The following EYS variants were observed in gnomAD, a reference collection of about 807,000 sequenced individuals.
EYS encodes EGF-like photoreceptor maintenance factor.
EYS carries 250 observed loss-of-function variants against 282.1 expected under a neutral mutation model. The observed-to-expected ratio is 0.89, with a 90% confidence interval of 0.80 to 0.98. The LOEUF (loss-of-function observed/expected upper bound fraction) is 0.98. Ranked by LOEUF, EYS falls within the 50% of genes least tolerant of loss-of-function variation. The pLI is 0.00. For synonymous variants in EYS, 1,355 were observed against 1,282.9 expected (o/e 1.06, Z -1.20); for missense variants, 4,016 against 3,709.0 (o/e 1.08, Z -2.15).
intron 8 of EYS, among the ~76,000 whole-genome samples, chr6:65,363,551 A>G (rs1374965737): frequency 6.6e-6 from 1 of 151,906 alleles, no homozygotes; most frequent in East Asian, 1.9e-4. Flanking sequence ...GTAGACAGAC[A>G]TACTTGATAA....
chr6:65,329,483 A>G (rs1769717537), intron 11 of EYS: 1 of 975,834 alleles, frequency 1.0e-6, no homozygotes, highest in Admixed American at 6.2e-5. Context: ...TTAGACAAAA[A>G]GATTTAGACA....
chr6:64,322,408 C>T (rs538490147), intron 29 of EYS, among the ~76,000 whole-genome samples: 17 of 151,990 alleles, frequency 1.1e-4, no homozygotes, highest in African/African-American at 3.1e-4. Flanking sequence ...AGCACAGTAA[C>T]TTGTTGGAGA....
intron 22 of EYS, among the ~76,000 whole-genome samples, chr6:64,695,079 C>T (rs1770528422): frequency 6.6e-6 from 1 of 152,066 alleles, no homozygotes; most frequent in Non-Finnish European, 1.5e-5. Flanking sequence ...TGAGAACTGC[C>T]TTCCAACCAC....
intron 31 of EYS, among the ~76,000 whole-genome samples, chr6:64,148,531 G>T (rs956665800): frequency 3.3e-5 from 5 of 152,118 alleles, no homozygotes; most frequent in Non-Finnish European, 5.9e-5. Context: ...CACATCAATA[G>T]TTAAGTTGCT....
intron 28 of EYS, among the ~76,000 whole-genome samples, chr6:64,393,915 A>G (rs917508305): frequency 8.6e-5 from 13 of 151,962 alleles, no homozygotes; most frequent in African/African-American, 2.9e-4. Context: ...CCTTAAGCTG[A>G]TAAGCAACTT....
intron 5 of EYS, among the ~76,000 whole-genome samples, chr6:65,483,620 G>C (rs1417880475): frequency 2.6e-5 from 4 of 151,838 alleles, no homozygotes; most frequent in Non-Finnish European, 5.9e-5. Flanking sequence ...TACATATATT[G>C]GTTTCTGAAG....
rs765293224 is a variant in EYS at position 64,096,064 on chromosome 6, AT to A, written c.6425-14063del. ...AGGTTGATAATTCTTTTCTTTAAGA[AT>A]GTTGAATATTGGCCCCCACTCTCTT... On this transcript the variant is annotated intron_variant, in intron 31 of 42. Transcript: ENST00000503581. 9.6e-4 allele frequency among the ~76,000 whole-genome samples: 147 copies of A among 152,360 alleles called. 1 individual carries two copies. The highest frequency in any genetic ancestry group is 1.5e-3 in the Non-Finnish European group (104 of 68,028).
chr6:64,244,469 G>A (rs2150344975), intron 30 of EYS, among the ~76,000 whole-genome samples: 1 of 152,288 alleles, frequency 6.6e-6, no homozygotes, highest in East Asian at 1.9e-4. Flanking sequence ...CGTTTTCAGT[G>A]TGATGTGTTG....
At chr6:65,701,818 CAT>C in intron 1 of EYS, among the ~76,000 whole-genome samples, 1 of 152,248 alleles carries the variant, frequency 6.6e-6, no homozygotes, top group African/African-American at 2.4e-5. Flanking sequence ...AGGGCATATA[CAT>C]ATATATAGAG....
intron 35 of EYS, among the ~76,000 whole-genome samples, chr6:63,931,738 ACTC>A (rs923233992): frequency 8.5e-5 from 13 of 152,204 alleles, no homozygotes; most frequent in African/African-American, 2.7e-4. Context: ...TAATTAGCAT[ACTC>A]ATCACCTCAA....
At chr6:65,443,212 C>T (rs560674326) in intron 5 of EYS, among the ~76,000 whole-genome samples, 1 of 151,648 alleles carries the variant, frequency 6.6e-6, no homozygotes, top group East Asian at 2.0e-4. Flanking sequence ...TATATGTATG[C>T]ATCATATACA....
intron 31 of EYS, among the ~76,000 whole-genome samples, chr6:64,089,858 G>A (rs1475207541): frequency 1.3e-5 from 2 of 151,976 alleles, no homozygotes; most frequent in Non-Finnish European, 2.9e-5. Context: ...TTCATTTAAA[G>A]CATGAAAAGA....
intron 26 of EYS, among the ~76,000 whole-genome samples, chr6:64,521,829 C>A (rs901393644): frequency 6.6e-6 from 1 of 151,802 alleles, no homozygotes; most frequent in Non-Finnish European, 1.5e-5. Context: ...CACTTGTTCA[C>A]TTATCCATGC....
chr6:65,355,984 C>A (rs558734471), intron 8 of EYS, among the ~76,000 whole-genome samples: 1 of 151,892 alleles, frequency 6.6e-6, no homozygotes, highest in Admixed American at 6.6e-5. Flanking sequence ...CGGATATCTG[C>A]GCAAAGGAAA....
At chr6:65,429,249 G>A (rs780124648) in intron 5 of EYS, among the ~76,000 whole-genome samples, 2 of 152,018 alleles carry the variant, frequency 1.3e-5, no homozygotes, top group African/African-American at 2.4e-5. Context: ...CCAGGGGCCA[G>A]TGCATGGTGT....
chr6:64,114,351 A>C (rs1773307011), intron 31 of EYS, among the ~76,000 whole-genome samples: 1 of 152,124 alleles, frequency 6.6e-6, no homozygotes, highest in South Asian at 2.1e-4. Flanking sequence ...TCTAAACTCA[A>C]AAATATACCA....
In EYS at chr6:64,101,967, T is replaced by C. The variant is rs530755984; in HGVS notation, c.6425-19965A>G. Among the ~76,000 whole-genome samples, 73 of 151,984 alleles carry C rather than the reference T, an allele frequency of 4.8e-4. 2 individuals are homozygous for C. The South Asian group carries it at 0.014, about 29-fold the overall frequency. ...GGTTTGTGCTCCTAGGAGAATCTAATGCCACTGCTTATCTGACAGCGGGTG... is the reference window on the plus strand; with the variant it reads ...GGTTTGTGCTCCTAGGAGAATCTAACGCCACTGCTTATCTGACAGCGGGTG... On this transcript the variant is annotated intron_variant, in intron 31 of 42. Transcript: ENST00000503581.
chr6:64,488,167 AT>A (rs751190401), intron 26 of EYS, among the ~76,000 whole-genome samples: 28 of 151,278 alleles, frequency 1.9e-4, no homozygotes, highest in African/African-American at 3.1e-4. Context: ...ATTTAAAAAA[AT>A]AATCTCTTCT....
At chr6:64,529,784 G>C (rs3904081) in intron 26 of EYS, among the ~76,000 whole-genome samples, 1 of 151,900 alleles carries the variant, frequency 6.6e-6, no homozygotes, top group Non-Finnish European at 1.5e-5. Flanking sequence ...ATCTAAAGCA[G>C]AAAATAAGTT....
Sources: allele counts gnomAD v4.1 joint callset (sites outside exome capture counted in the v4.1 genomes callset), GRCh38; gene constraint gnomAD v4.1.1; transcripts MANE v1.5; gene names NCBI Gene and HGNC (gene_info 2026-07-23, HGNC 2026-07-21).